The following ANGPT1 variants were observed in gnomAD, a reference collection of about 807,000 sequenced individuals.
The protein encoded by ANGPT1 is angiopoietin-1.
In ANGPT1, 17 loss-of-function variants were observed where a neutral mutation model predicts 62.2. The observed-to-expected ratio is 0.27, with a 90% CI of 0.19 to 0.41. The LOEUF (loss-of-function observed/expected upper bound fraction) is 0.41, where lower values mean the gene tolerates loss of function less well. Among genes scored for constraint, ANGPT1 ranks in the 10% least tolerant of loss-of-function variants. ANGPT1 has a pLI of 1.00. For synonymous variants in ANGPT1, 199 were observed against 198.9 expected (o/e 1.00, Z 0.00); for missense variants, 478 against 594.9 (o/e 0.80, Z 2.04).
chr8:107,378,925 T>C (rs952829682), intron 1 of ANGPT1, among the ~76,000 whole-genome samples: 2 of 53,388 alleles, frequency 3.7e-5, no homozygotes, highest in African/African-American at 8.6e-5. Context: ...TATATATATA[T>C]ACACATACAT....
intron 3 of ANGPT1, among the ~76,000 whole-genome samples, chr8:107,334,533 GT>G (rs150985942): frequency 1.0e-4 from 15 of 149,476 alleles, no homozygotes; most frequent in South Asian, 6.6e-4. Flanking sequence ...TTTCCTGTGT[GT>G]TTTTTTTTGT....
intron 1 of ANGPT1, among the ~76,000 whole-genome samples, chr8:107,359,625 T>A (rs1169225496): frequency 1.3e-5 from 2 of 152,322 alleles, no homozygotes; most frequent in Middle Eastern, 3.4e-3. Flanking sequence ...AAGTGCAAAG[T>A]GGCTTCAGTA....
intron 7 of ANGPT1, among the ~76,000 whole-genome samples, chr8:107,270,729 G>A (rs988243696): frequency 1.3e-4 from 20 of 151,982 alleles, no homozygotes; most frequent in African/African-American, 4.6e-4. Context: ...GAATATGTGA[G>A]AAAATGCTAG....
chr8:107,369,180 G>A (rs1672197), intron 1 of ANGPT1, among the ~76,000 whole-genome samples: 113,309 of 152,006 alleles, frequency 0.75, 43,081 homozygotes, highest in East Asian at 0.87. Flanking sequence ...TTTCTACATC[G>A]GCACTTGCTG....
intron 1 of ANGPT1, among the ~76,000 whole-genome samples, chr8:107,446,387 C>T (rs1308953162): frequency 2.6e-5 from 4 of 152,092 alleles, no homozygotes; most frequent in African/African-American, 7.2e-5. Context: ...GGACAATAGC[C>T]CCATGTGGCT....
chr8:107,330,485 T>A (rs981487081), intron 3 of ANGPT1, among the ~76,000 whole-genome samples: 1 of 152,188 alleles, frequency 6.6e-6, no homozygotes, highest in African/African-American at 2.4e-5. Flanking sequence ...ATGGACTGTA[T>A]TGTGTGCTAA....
intron 1 of ANGPT1, among the ~76,000 whole-genome samples, chr8:107,384,410 G>C (rs1816694869): frequency 6.6e-6 from 1 of 151,662 alleles, no homozygotes; most frequent in African/African-American, 2.4e-5. Flanking sequence ...TTCATAATCA[G>C]GAAGGATATT....
intron 1 of ANGPT1, among the ~76,000 whole-genome samples, chr8:107,460,262 T>C (rs868862787): frequency 6.6e-6 from 1 of 152,078 alleles, no homozygotes; most frequent in Non-Finnish European, 1.5e-5. Context: ...CCAATCCTTT[T>C]GGGGGAGAGG....
chr8:107,333,497 A>T (rs1035283018), intron 3 of ANGPT1, among the ~76,000 whole-genome samples: 2 of 152,206 alleles, frequency 1.3e-5, no homozygotes, highest in Non-Finnish European at 2.9e-5. Flanking sequence ...ATTACTAGAA[A>T]AGGAAATTGC....
At chr8:107,454,088 C>A (rs899979265) in intron 1 of ANGPT1, among the ~76,000 whole-genome samples, 4 of 151,916 alleles carry the variant, frequency 2.6e-5, no homozygotes, top group Non-Finnish European at 4.4e-5. Context: ...ATGAAAAGAC[C>A]GCTGCCTAAA....
intron 1 of ANGPT1, among the ~76,000 whole-genome samples, chr8:107,407,554 C>T (rs553061840): frequency 6.6e-6 from 1 of 152,188 alleles, no homozygotes; most frequent in South Asian, 2.1e-4. Context: ...GGCTCTGCAC[C>T]CTTAGCCCAT....
chr8:107,270,138 C>T (rs1253981541), intron 7 of ANGPT1, among the ~76,000 whole-genome samples: 3 of 151,944 alleles, frequency 2.0e-5, no homozygotes, highest in African/African-American at 7.3e-5. Context: ...ATCTCATGAA[C>T]CCAGTTTCTT....
chr8:107,420,983 G>A (rs1024964172), intron 1 of ANGPT1, among the ~76,000 whole-genome samples: 1 of 151,900 alleles, frequency 6.6e-6, no homozygotes. Flanking sequence ...TGAAATTTAT[G>A]CAAAAATTAT....
At chr8:107,431,243 T>C (rs945159511) in intron 1 of ANGPT1, among the ~76,000 whole-genome samples, 8 of 152,132 alleles carry the variant, frequency 5.3e-5, no homozygotes, top group South Asian at 2.1e-4. Flanking sequence ...AATTAGAAAA[T>C]GTAAGCATAA....
intron 1 of ANGPT1, among the ~76,000 whole-genome samples, chr8:107,399,641 G>A (rs1817003889): frequency 6.6e-6 from 1 of 152,122 alleles, no homozygotes; most frequent in South Asian, 2.1e-4. Context: ...TAGTGGCTGA[G>A]CCCGGCTCCT....
At chr8:107,494,321 G>A (rs947899423) in intron 1 of ANGPT1, among the ~76,000 whole-genome samples, 4 of 152,138 alleles carry the variant, frequency 2.6e-5, no homozygotes, top group African/African-American at 9.7e-5. Flanking sequence ...GAGAGGTAGG[G>A]AGAGATCATA....
At chr8:107,328,530 C>A (rs1446098925) in intron 3 of ANGPT1, among the ~76,000 whole-genome samples, 3 of 151,268 alleles carry the variant, frequency 2.0e-5, no homozygotes, top group African/African-American at 7.3e-5. Context: ...ATAAGTTGGA[C>A]AATAAATAAT....
intron 6 of ANGPT1, among the ~76,000 whole-genome samples, chr8:107,286,775 T>G (rs2130145970): frequency 6.6e-6 from 1 of 152,290 alleles, no homozygotes; most frequent in South Asian, 2.1e-4. Context: ...GGCTCTTTAC[T>G]TCTCTGTTCC....
At chr8:107,471,527 A>T (rs1812358191) in intron 1 of ANGPT1, among the ~76,000 whole-genome samples, 1 of 152,172 alleles carries the variant, frequency 6.6e-6, no homozygotes, top group African/African-American at 2.4e-5. Context: ...CACGTTCTGC[A>T]CATGTACCCC....
Sources: gnomAD v4.1 joint callset for allele counts (sites outside exome capture counted in the v4.1 genomes callset) on GRCh38, gnomAD v4.1.1 for gene constraint, MANE v1.5 for transcripts, NCBI Gene and HGNC (gene_info 2026-07-23, HGNC 2026-07-21) for gene names.